NBAS: variants seen among roughly 807,000 people sequenced by gnomAD.
The protein encoded by NBAS is NBAS subunit of NRZ tethering complex, also known as NAG/BC035112 fusion.
Under a neutral mutation model 302.5 loss-of-function variants are expected in NBAS, and 219 were observed. The observed-to-expected ratio is 0.72, with a 90% CI of 0.65 to 0.81. The LOEUF is 0.81. NBAS is among the 30% of genes least tolerant of loss of function. The pLI is 0.00. For synonymous variants in NBAS, 1,118 were observed against 1,021.6 expected, an observed-to-expected ratio of 1.09 and a Z score of -1.80; for missense variants, 2,932 against 2,841.6, an observed-to-expected ratio of 1.03 and a Z score of -0.72.
chr2:14,827,582 A>G, the NBAS span, among the ~76,000 whole-genome samples: 1 of 152,248 alleles, frequency 6.6e-6, no homozygotes, highest in African/African-American at 2.4e-5. Context: ...GATAAAGAAA[A>G]GGCAGTATAT....
the NBAS span, among the ~76,000 whole-genome samples, chr2:14,808,280 A>T: frequency 1.3e-5 from 2 of 152,214 alleles, no homozygotes; most frequent in African/African-American, 4.8e-5. Context: ...ACATTCTCTG[A>T]CTTCATTGCT....
At chr2:14,973,830 T>C in the NBAS span, among the ~76,000 whole-genome samples, 2 of 152,246 alleles carry the variant, frequency 1.3e-5, no homozygotes, top group Non-Finnish European at 2.9e-5. Flanking sequence ...TTTAGCAGAA[T>C]GCTTTCTGTT....
At chr2:15,194,204 A>T (rs765453033) in intron 48 of NBAS, among the ~76,000 whole-genome samples, 3 of 152,156 alleles carry the variant, frequency 2.0e-5, no homozygotes, top group Non-Finnish European at 4.4e-5. Flanking sequence ...CACATTCAAG[A>T]AGCTAAATTA....
chr2:14,846,526 T>A, the NBAS span, among the ~76,000 whole-genome samples: 3 of 144,502 alleles, frequency 2.1e-5, no homozygotes, highest in Non-Finnish European at 4.5e-5. Context: ...CACAAAAAAC[T>A]ATATAATATG....
At chr2:15,538,327 C>A in intron 7 of NBAS, 1 of 476,752 alleles carries the variant, frequency 2.1e-6, no homozygotes, top group South Asian at 1.6e-5. Context: ...GCTAAGATTC[C>A]CAGAATATGA....
At chr2:15,169,022 T>A (rs1664165008) in intron 51 of NBAS, among the ~76,000 whole-genome samples, 1 of 152,228 alleles carries the variant, frequency 6.6e-6, no homozygotes, top group Non-Finnish European at 1.5e-5. Flanking sequence ...AGCTCCCCAT[T>A]TCATTAACAT....
chr2:15,531,918 AT>A (rs1228716833), intron 9 of NBAS, among the ~76,000 whole-genome samples: 1 of 152,004 alleles, frequency 6.6e-6, no homozygotes. Context: ...ATCTCTGATT[AT>A]TTTTTTCCCA....
the NBAS span, among the ~76,000 whole-genome samples, chr2:14,919,532 A>G: frequency 6.6e-6 from 1 of 152,198 alleles, no homozygotes; most frequent in South Asian, 2.1e-4. Flanking sequence ...TTTACAAAAT[A>G]TGTTTCTGCA....
intron 35 of NBAS, among the ~76,000 whole-genome samples, chr2:15,350,875 C>T (rs2148295601): frequency 6.6e-6 from 1 of 152,276 alleles, no homozygotes; most frequent in South Asian, 2.1e-4. Context: ...AACTAGCAAT[C>T]CTGTACACTA....
At chr2:15,297,485 G>A (rs925752156) in intron 40 of NBAS, among the ~76,000 whole-genome samples, 1 of 152,150 alleles carries the variant, frequency 6.6e-6, no homozygotes, top group Non-Finnish European at 1.5e-5. Flanking sequence ...TCTCGTGATG[G>A]AGTTCTCATG....
At chr2:15,064,982 G>T in the NBAS span, among the ~76,000 whole-genome samples, 1 of 151,970 alleles carries the variant, frequency 6.6e-6, no homozygotes, top group Non-Finnish European at 1.5e-5. Context: ...AGAGGATAAA[G>T]CATAAATATC....
chr2:15,223,565 T>C (rs1462335298), intron 47 of NBAS, among the ~76,000 whole-genome samples: 3 of 152,162 alleles, frequency 2.0e-5, no homozygotes, highest in Non-Finnish European at 2.9e-5. Flanking sequence ...ACAAATGATT[T>C]TTAAAAGTCA....
chr2:14,968,083 C>T, the NBAS span, among the ~76,000 whole-genome samples: 353 of 152,280 alleles, frequency 2.3e-3, no homozygotes, highest in African/African-American at 8.2e-3. Flanking sequence ...ACTTGAAAGG[C>T]TGCCCTGCTC....
the NBAS span, among the ~76,000 whole-genome samples, chr2:15,133,421 G>T: frequency 6.6e-6 from 1 of 152,284 alleles, no homozygotes; most frequent in Admixed American, 6.5e-5. Context: ...TGGAGGAGTT[G>T]GGAGGAGGCT....
rs753328761 is a variant in NBAS at position 15,218,766 on chromosome 2, C to T, written c.6432+7G>A. 4 of 1,614,210 alleles carry T rather than the reference C, an allele frequency of 2.5e-6. No individual in the cohort carries two copies. The highest frequency in any genetic ancestry group is 3.4e-6 in the Non-Finnish European group (4 of 1,180,010). On this transcript the variant is annotated splice_region_variant and intron_variant, in intron 48 of 51. Coordinates refer to ENST00000281513, the MANE Select transcript of NBAS (RefSeq NM_015909.4). The stretch of plus-strand genomic sequence containing the variant: ...TAAGAAAAATAATCATTCAGACACT[C>T]CCTTACCTGTCTCTGGGGCCAGGAG...
At chr2:15,401,909 T>C (rs1408924974) in intron 26 of NBAS, among the ~76,000 whole-genome samples, 1 of 152,138 alleles carries the variant, frequency 6.6e-6, no homozygotes, top group Non-Finnish European at 1.5e-5. Flanking sequence ...TTTTTGTTTT[T>C]CAATAGGAAA....
rs780422377 is a variant in NBAS, at chr2:15,234,585, T to C, written c.6106A>G (p.Ile2036Val). 8.7e-6 allele frequency: 14 copies of C among 1,614,036 alleles called. No individual in the cohort carries two copies. The Admixed American group carries it at 1.7e-4, about 19-fold the overall frequency. ...ATTTTCATGATTGCACTCTGCACTA[T>C]ATCCTTGGGTGAGATGTCAAGAGGG... ...VGPLDISPKDIVQSAIMKIIS... is the reference protein window; with the variant it reads ...VGPLDISPKDVVQSAIMKIIS... Residue 2036 changes from isoleucine (I) to valine (V), a missense_variant, in exon 46 of 52, where the codon ATA (isoleucine) becomes GTA (valine). Physicochemically the swap from Ile to Val is conservative, Grantham distance 29. Coordinates refer to ENST00000281513, the MANE Select transcript of NBAS (RefSeq NM_015909.4).
chr2:14,836,203 A>G, the NBAS span, among the ~76,000 whole-genome samples: 1 of 151,722 alleles, frequency 6.6e-6, no homozygotes, highest in Non-Finnish European at 1.5e-5. Context: ...GGTTTTTGTT[A>G]TTTACATGTA....
chr2:14,857,338 G>A, the NBAS span, among the ~76,000 whole-genome samples: 45,058 of 151,818 alleles, frequency 0.3, 7,211 homozygotes, highest in East Asian at 0.4. Flanking sequence ...GAATTTATAT[G>A]AAACCACAAA....
Sources: gnomAD v4.1 joint callset for allele counts (sites outside exome capture counted in the v4.1 genomes callset) on GRCh38, gnomAD v4.1.1 for gene constraint, MANE v1.5 for transcripts, NCBI Gene and HGNC (gene_info 2026-07-23, HGNC 2026-07-21) for gene names.